The following DRD2 variants were observed in gnomAD, a reference collection of about 807,000 sequenced individuals.
DRD2 encodes the protein dopamine receptor D2, also known as D(2) dopamine receptor.
In DRD2, 8 loss-of-function variants were observed where a neutral mutation model predicts 38.0. The ratio of observed to expected loss-of-function variants is 0.21; its 90% CI spans 0.12 to 0.38. The LOEUF (loss-of-function observed/expected upper bound fraction) is 0.38. Among genes scored for constraint, DRD2 ranks in the 10% least tolerant of loss-of-function variants. The pLI, the probability that DRD2 is intolerant of heterozygous loss-of-function variation, is 1.00. For synonymous variants in DRD2, 230 were observed against 238.6 expected, an observed-to-expected ratio of 0.96 and a Z score of 0.33; for missense variants, 403 against 607.7, an observed-to-expected ratio of 0.66 and a Z score of 3.54.
chr11:113,452,465 T>TGC lies in DRD2; in HGVS notation c.-32+22610_-32+22611insGC, dbSNP rs1160837850. Among the ~76,000 whole-genome samples, 310 of 89,556 alleles carry TGC rather than the reference T, an allele frequency of 3.5e-3. 1 individual carries two copies. The highest frequency in any genetic ancestry group is 5.0e-3 in the Non-Finnish European group (200 of 39,640). The allele number at this position is 89,556 out of a possible 152,430, so 58.8% of individuals were successfully genotyped here. ...GTGTGTGTGTGTGTGTGTGTGTGTG[T>TGC]GTGTGCGCGCGCGCGCGCGCGCACA... On this transcript the variant is annotated intron_variant, in intron 1 of 7. Transcript: ENST00000362072.
intron 1 of DRD2, among the ~76,000 whole-genome samples, chr11:113,430,483 A>G (rs1237300181): frequency 6.6e-6 from 1 of 152,200 alleles, no homozygotes; most frequent in African/African-American, 2.4e-5. Flanking sequence ...GGGGAAGTGC[A>G]TTGTAGAGTG....
At chr11:113,421,187 T>C (rs1950880796) in intron 2 of DRD2, among the ~76,000 whole-genome samples, 1 of 152,140 alleles carries the variant, frequency 6.6e-6, no homozygotes, top group Non-Finnish European at 1.5e-5. Flanking sequence ...GCATAATTTT[T>C]CCGAAAGCAT....
intron 3 of DRD2, 51 bp downstream of exon 3, chr11:113,417,976 G>C (rs749245915): frequency 6.7e-7 from 1 of 1,496,636 alleles, no homozygotes; most frequent in Non-Finnish European, 9.3e-7. Context: ...AGCTGGGGCA[G>C]CCAGAATGGT....
intron 1 of DRD2, among the ~76,000 whole-genome samples, chr11:113,432,839 A>G (rs903822713): frequency 6.6e-6 from 1 of 152,232 alleles, no homozygotes; most frequent in African/African-American, 2.4e-5. Context: ...CAGCATGGAA[A>G]TGGAAGAGGG....
chr11:113,441,092 G>A (rs1295342733), intron 1 of DRD2, among the ~76,000 whole-genome samples: 1 of 152,188 alleles, frequency 6.6e-6, no homozygotes, highest in Non-Finnish European at 1.5e-5. Flanking sequence ...TCTTCTCAGG[G>A]ATCAGTTCAA....
chr11:113,452,611 C>G (rs551027873), intron 1 of DRD2, among the ~76,000 whole-genome samples: 1 of 151,896 alleles, frequency 6.6e-6, no homozygotes, highest in East Asian at 1.9e-4. Flanking sequence ...CACTGGATAT[C>G]CCAGTAGTAT....
intron 1 of DRD2, among the ~76,000 whole-genome samples, chr11:113,471,048 G>A (rs1951419044): frequency 6.6e-6 from 1 of 152,136 alleles, no homozygotes; most frequent in Non-Finnish European, 1.5e-5. Flanking sequence ...CAATTCTGAG[G>A]GCAAATTTCT....
At position 113,475,270 on chromosome 11, in the gene DRD2, G is replaced by T. The variant is rs994565261; in HGVS notation, c.-226C>A. 1 of 148,646 alleles carries T rather than the reference G, an allele frequency of 6.7e-6. No homozygotes were observed. Among genetic ancestry groups the T allele is most frequent in the African/African-American group, 2.4e-5 (1 of 41,008 alleles). The allele number at this position is 148,646 out of a possible 1,614,324, so 9.2% of individuals were successfully genotyped here. ...AGCAGCTCGGCCGGCTCTGGCCCGC[G>T]GGGAGCAGTGGACGGGCCGCGGCGG... On this transcript the variant is annotated 5_prime_UTR_variant, in exon 1 of 8. Coordinates refer to ENST00000362072, the MANE Select transcript of DRD2 (RefSeq NM_000795.4).
chr11:113,465,402 G>T (rs762401666), intron 1 of DRD2, among the ~76,000 whole-genome samples: 17 of 121,332 alleles, frequency 1.4e-4, no homozygotes, highest in Non-Finnish European at 2.1e-4. Context: ...GCCAGTTTTT[G>T]TTGTTGTTGT....
intron 1 of DRD2, among the ~76,000 whole-genome samples, chr11:113,440,831 A>G (rs1371061499): frequency 6.6e-6 from 1 of 152,248 alleles, no homozygotes; most frequent in Non-Finnish European, 1.5e-5. Context: ...TGAGAATTTC[A>G]GAGGCAGAAT....
chr11:113,444,538 TTCTA>T (rs747470581), intron 1 of DRD2, among the ~76,000 whole-genome samples: 6 of 152,226 alleles, frequency 3.9e-5, no homozygotes, highest in South Asian at 2.1e-4. Flanking sequence ...TATCAGCTTT[TTCTA>T]TCTATGTTCA....
intron 1 of DRD2, among the ~76,000 whole-genome samples, chr11:113,469,490 G>T (rs563835649): frequency 9.2e-5 from 14 of 152,228 alleles, no homozygotes; most frequent in African/African-American, 3.1e-4. Flanking sequence ...GCCTTAAACA[G>T]TCTGGTTTTG....
chr11:113,470,958 A>G (rs781493811), intron 1 of DRD2, among the ~76,000 whole-genome samples: 1 of 152,210 alleles, frequency 6.6e-6, no homozygotes, highest in Non-Finnish European at 1.5e-5. Context: ...TGTGCCTTCC[A>G]AGGGCATCCC....
chr11:113,455,326 C>A (rs1449272325), intron 1 of DRD2, among the ~76,000 whole-genome samples: 2 of 152,122 alleles, frequency 1.3e-5, no homozygotes, highest in Non-Finnish European at 2.9e-5. Context: ...CACACCACAG[C>A]ACTCCAGCCT....
intron 1 of DRD2, among the ~76,000 whole-genome samples, chr11:113,450,595 A>G (rs1478888780): frequency 6.6e-6 from 1 of 152,242 alleles, no homozygotes; most frequent in Non-Finnish European, 1.5e-5. Context: ...TGATCATGGT[A>G]TCCTTAGCAG....
At chr11:113,436,986 C>G (rs938979710) in intron 1 of DRD2, among the ~76,000 whole-genome samples, 1 of 152,120 alleles carries the variant, frequency 6.6e-6, no homozygotes, top group Non-Finnish European at 1.5e-5. Context: ...CTTTCTATGG[C>G]CTGGGATCCT....
chr11:113,414,484 G>C, intron 5 of DRD2, 23 bp from the exon 6 acceptor site: 1 of 1,613,968 alleles, frequency 6.2e-7, no homozygotes, highest in Non-Finnish European at 8.5e-7. Context: ...CCAGCACATG[G>C]GTCACACAAA....
chr11:113,439,693 A>C (rs1364908618), intron 1 of DRD2, among the ~76,000 whole-genome samples: 1 of 151,530 alleles, frequency 6.6e-6, no homozygotes, highest in African/African-American at 2.4e-5. Context: ...TACAAAAATT[A>C]GCCTGGGTGG....
chr11:113,429,309 A>G (rs578227360), intron 1 of DRD2, among the ~76,000 whole-genome samples: 3 of 152,102 alleles, frequency 2.0e-5, no homozygotes, highest in African/African-American at 7.2e-5. Context: ...CAGTGGGGCT[A>G]TCTCGGCTCA....
Sources: gnomAD v4.1 joint callset for allele counts (sites outside exome capture counted in the v4.1 genomes callset) on GRCh38, gnomAD v4.1.1 for gene constraint, MANE v1.5 for transcripts, NCBI Gene and HGNC (gene_info 2026-07-23, HGNC 2026-07-21) for gene names.